The following OTUD7A variants were observed in gnomAD, a reference collection of about 807,000 sequenced individuals.
OTUD7A encodes the protein OTU deubiquitinase 7A, also known as OTU domain-containing protein 7A.
A neutral mutation model predicts 65.7 loss-of-function variants in OTUD7A; 12 were observed. The observed-to-expected ratio is 0.18, with a 90% CI of 0.12 to 0.30. OTUD7A has a LOEUF of 0.30. Ranked by LOEUF, OTUD7A falls within the 10% of genes least tolerant of loss-of-function variation. OTUD7A has a pLI of 1.00. For missense variants in OTUD7A, 1,148 were observed against 1,304.8 expected (o/e 0.88, Z 1.85); for synonymous variants, 641 against 586.3 (o/e 1.09, Z -1.35).
At chr15:31,619,651 C>T (rs1202214902) in intron 3 of OTUD7A, among the ~76,000 whole-genome samples, 4 of 151,974 alleles carry the variant, frequency 2.6e-5, no homozygotes, top group South Asian at 2.1e-4. Flanking sequence ...TGCTTATCAG[C>T]TTAAGGAGAT....
At chr15:31,752,256 T>C (rs886920100) in intron 1 of OTUD7A, among the ~76,000 whole-genome samples, 1 of 152,146 alleles carries the variant, frequency 6.6e-6, no homozygotes, top group Admixed American at 6.5e-5. Flanking sequence ...TGTGTATGGA[T>C]ACATACAAAT....
chr15:31,626,956 A>C (rs1453431012), intron 3 of OTUD7A, among the ~76,000 whole-genome samples: 1 of 151,516 alleles, frequency 6.6e-6, no homozygotes, highest in Non-Finnish European at 1.5e-5. Context: ...ATTGTTAAAA[A>C]AAAAAGTGCT....
chr15:31,717,606 T>A (rs543570910), intron 1 of OTUD7A, among the ~76,000 whole-genome samples: 3 of 152,350 alleles, frequency 2.0e-5, no homozygotes, highest in South Asian at 4.1e-4. Context: ...TTCCATGGTG[T>A]ATATGTGCCA....
intron 1 of OTUD7A, among the ~76,000 whole-genome samples, chr15:31,861,880 C>T (rs1357907216): frequency 3.3e-5 from 5 of 152,210 alleles, no homozygotes; most frequent in Admixed American, 1.3e-4. Flanking sequence ...ACCATGTCAT[C>T]CCACAGATGG....
At chr15:31,588,159 T>C (rs1889605422) in intron 3 of OTUD7A, among the ~76,000 whole-genome samples, 1 of 152,124 alleles carries the variant, frequency 6.6e-6, no homozygotes, top group Non-Finnish European at 1.5e-5. Flanking sequence ...ACAAATACAT[T>C]TGGTTTATTC....
intron 1 of OTUD7A, among the ~76,000 whole-genome samples, chr15:31,769,747 C>T (rs975678218): frequency 1.1e-4 from 17 of 152,202 alleles, no homozygotes; most frequent in African/African-American, 4.1e-4. Flanking sequence ...TTTATGACAC[C>T]CTGAACATAG....
chr15:31,738,657 G>A (rs943797141), intron 1 of OTUD7A, among the ~76,000 whole-genome samples: 6 of 152,164 alleles, frequency 3.9e-5, no homozygotes, highest in South Asian at 2.1e-4. Flanking sequence ...ACATGCACAC[G>A]CTGCTCCTCT....
chr15:31,702,783 A>C (rs1893242935), intron 1 of OTUD7A, among the ~76,000 whole-genome samples: 1 of 151,458 alleles, frequency 6.6e-6, no homozygotes, highest in Admixed American at 6.6e-5. Flanking sequence ...TAGAAGAATT[A>C]GAATAGTTAA....
At chr15:31,776,261 G>T (rs1895377845) in intron 1 of OTUD7A, among the ~76,000 whole-genome samples, 1 of 152,242 alleles carries the variant, frequency 6.6e-6, no homozygotes, top group South Asian at 2.1e-4. Flanking sequence ...CTTCCAGTGT[G>T]GGACTTCCAG....
At position 31,766,714 on chromosome 15, in the gene OTUD7A, A is replaced by G. The variant is rs1197134925; in HGVS notation, c.-100+103793T>C. On this transcript the variant is annotated intron_variant, in intron 1 of 12. Transcript: ENST00000307050. Reference sequence around the variant, plus strand: ...ACACAACTCCTCTTGGTCTTGAACAATCAAAGTAGAGGTTCTCTTAAAACC... The same window carrying G: ...ACACAACTCCTCTTGGTCTTGAACAGTCAAAGTAGAGGTTCTCTTAAAACC... 4.3e-6 allele frequency: 7 copies of G among 1,610,274 alleles called. No homozygotes were observed. In the African/African-American group the frequency reaches 9.4e-5, roughly 22 times the overall value.
At chr15:31,518,661 T>C (rs2141108465) in intron 8 of OTUD7A, among the ~76,000 whole-genome samples, 1 of 152,344 alleles carries the variant, frequency 6.6e-6, no homozygotes, top group East Asian at 1.9e-4. Context: ...GGATGGTCCT[T>C]ACTCCTTTTC....
chr15:31,580,401 T>C (rs1020740002), intron 3 of OTUD7A, among the ~76,000 whole-genome samples: 2 of 152,184 alleles, frequency 1.3e-5, no homozygotes, highest in African/African-American at 2.4e-5. Context: ...GATTTTTAAT[T>C]TAGAAAATAA....
intron 1 of OTUD7A, among the ~76,000 whole-genome samples, chr15:31,778,757 G>C (rs73378701): frequency 0.017 from 2,524 of 145,242 alleles, 74 homozygotes; most frequent in African/African-American, 0.068. Flanking sequence ...CACACACACA[G>C]ACACGCACAT....
chr15:31,492,905 T>C (rs2141071646), intron 10 of OTUD7A, among the ~76,000 whole-genome samples: 1 of 152,238 alleles, frequency 6.6e-6, no homozygotes, highest in South Asian at 2.1e-4. Flanking sequence ...CCCACATATA[T>C]GCTGTCTACA....
At chr15:31,860,850 C>T (rs945588694) in intron 1 of OTUD7A, among the ~76,000 whole-genome samples, 16 of 145,738 alleles carry the variant, frequency 1.1e-4, no homozygotes, top group African/African-American at 2.8e-4. Context: ...GGACTACAGG[C>T]GCCCGCCACC....
rs765515065 is a variant in OTUD7A at position 31,484,020 on chromosome 15, G to GGCGGCGGCA, written c.2067_2075dup (p.Ala694_Ala696dup). The GGCGGCGGCA allele has an allele frequency of 2.0e-5, 25 of 1,221,490 alleles. No homozygotes were observed. Among genetic ancestry groups the GGCGGCGGCA allele is most frequent in the Non-Finnish European group, 2.5e-5 (25 of 983,696 alleles). The allele number at this position is 1,221,490 out of a possible 1,614,324, so 75.7% of individuals were successfully genotyped here. Reference sequence around the variant, plus strand: ...GCCGCTTGGCCGTGGCGGCGGCGGCGGCGGCGGCAGCGGCGGCCGCAGTAG... The same window carrying GGCGGCGGCA: ...GCCGCTTGGCCGTGGCGGCGGCGGCGGCGGCGGCAGCGGCGGCAGCGGCGGCCGCAGTAG... On this transcript the variant is annotated inframe_insertion, in exon 13 of 13. Transcript: ENST00000307050. This position sits in a 1 kb window ranked among gnomAD's most constrained non-coding sequence, Gnocchi z 4.5.
At chr15:31,735,401 G>A (rs190873259) in intron 1 of OTUD7A, among the ~76,000 whole-genome samples, 2 of 152,204 alleles carry the variant, frequency 1.3e-5, no homozygotes, top group Admixed American at 6.5e-5. Context: ...GGTGGCACAC[G>A]CCTGTAATCC....
At chr15:31,607,870 T>A (rs926805759) in intron 3 of OTUD7A, among the ~76,000 whole-genome samples, 6 of 152,226 alleles carry the variant, frequency 3.9e-5, no homozygotes, top group Non-Finnish European at 8.8e-5. Flanking sequence ...GGAAGTTGCC[T>A]AACAATGCAT....
chr15:31,506,193 C>G (rs961577136), intron 8 of OTUD7A, among the ~76,000 whole-genome samples: 5 of 151,378 alleles, frequency 3.3e-5, no homozygotes, highest in African/African-American at 1.2e-4. Flanking sequence ...AATAAAGGTA[C>G]AATATTGAGT....
Sources: gnomAD v4.1 joint callset for allele counts (sites outside exome capture counted in the v4.1 genomes callset) on GRCh38, gnomAD v4.1.1 for gene constraint, Gnocchi (gnomAD v3.1) non-coding constraint, MANE v1.5 for transcripts, NCBI Gene and HGNC (gene_info 2026-07-23, HGNC 2026-07-21) for gene names.